The following MALRD1 variants were observed in gnomAD, a reference collection of about 807,000 sequenced individuals.
MALRD1 encodes MAM and LDL-receptor class A domain-containing protein 1.
In MALRD1, 247 loss-of-function variants were observed where a neutral mutation model predicts 242.1. The observed-to-expected ratio is 1.02, with a 90% CI of 0.92 to 1.13. The LOEUF (loss-of-function observed/expected upper bound fraction) is 1.13, where lower values mean the gene tolerates loss of function less well. MALRD1 is among the 50% of genes most tolerant of loss of function. The probability of loss-of-function intolerance (pLI) is 0.00; values close to 1 mark genes in which losing one functional copy is unlikely to be tolerated. For missense variants in MALRD1, 2,989 were observed against 2,533.1 expected, an observed-to-expected ratio of 1.18 and a Z score of -3.86; for synonymous variants, 995 against 866.6, an observed-to-expected ratio of 1.15 and a Z score of -2.60.
In MALRD1 at chr10:19,498,581, T is replaced by C; in HGVS notation, c.5255T>C (p.Leu1752Ser). 1.3e-6 allele frequency: 2 copies of C among 1,550,316 alleles called. No homozygotes were observed. The highest frequency in any genetic ancestry group is 2.0e-5 in the Admixed American group (1 of 50,944). The change falls in exon 31 of 40, where the codon TTG becomes TCG. Residue 1752 changes from leucine to serine, a missense_variant. Leu to Ser is a moderately radical substitution (Grantham distance 145). Coordinates refer to ENST00000454679, the MANE Select transcript of MALRD1 (RefSeq NM_001142308.3). ...CSLTQDSEDD[L>S]DWAIGSRIPA... is the part of the protein sequence containing the mutation. ...CTTACTCAAGACTCTGAGGATGACT[T>C]GGACTGGGCCATTGGCAGCAGAATT... is the stretch of plus-strand genomic sequence containing the variant.
intron 11 of MALRD1, among the ~76,000 whole-genome samples, chr10:19,148,161 T>C (rs1833792907): frequency 6.6e-6 from 1 of 151,780 alleles, no homozygotes; most frequent in South Asian, 2.1e-4. Flanking sequence ...AACATGGATG[T>C]GCTGAAGAAA....
intron 33 of MALRD1, among the ~76,000 whole-genome samples, chr10:19,581,615 A>C (rs1201542571): frequency 6.8e-6 from 1 of 147,000 alleles, no homozygotes; most frequent in Non-Finnish European, 1.5e-5. Context: ...AATCCAGTCT[A>C]TCATTGTTGG....
intron 36 of MALRD1, among the ~76,000 whole-genome samples, chr10:19,671,265 T>G (rs1841908790): frequency 6.6e-6 from 1 of 152,176 alleles, no homozygotes; most frequent in Non-Finnish European, 1.5e-5. Flanking sequence ...GATATACATT[T>G]ATTATTTTGC....
At chr10:19,295,274 T>G (rs1841642146) in intron 21 of MALRD1, among the ~76,000 whole-genome samples, 1 of 152,112 alleles carries the variant, frequency 6.6e-6, no homozygotes, top group Non-Finnish European at 1.5e-5. Flanking sequence ...TCCTCAAAAA[T>G]GTACCACTTT....
At chr10:19,453,599 G>A (rs767544267) in intron 29 of MALRD1, among the ~76,000 whole-genome samples, 99 of 152,226 alleles carry the variant, frequency 6.5e-4, no homozygotes, top group Non-Finnish European at 1.1e-3. Context: ...ATTTTAGGCC[G>A]GGCACTGTGG....
intron 30 of MALRD1, among the ~76,000 whole-genome samples, chr10:19,494,534 A>C (rs749038083): frequency 6.6e-6 from 1 of 152,182 alleles, no homozygotes; most frequent in Non-Finnish European, 1.5e-5. Flanking sequence ...GCTAAGAATA[A>C]CAATTATGCA....
At chr10:19,312,147 C>T (rs1192888334) in intron 21 of MALRD1, among the ~76,000 whole-genome samples, 1 of 151,192 alleles carries the variant, frequency 6.6e-6, no homozygotes, top group Non-Finnish European at 1.5e-5. Context: ...AGAAACTGAA[C>T]TCTGGTGGCA....
At chr10:19,691,169 T>A (rs1043724958) in intron 36 of MALRD1, among the ~76,000 whole-genome samples, 4 of 152,024 alleles carry the variant, frequency 2.6e-5, no homozygotes, top group African/African-American at 9.7e-5. Context: ...AATACCCCAA[T>A]CTCTCACAAT....
chr10:19,137,879 A>G (rs2131416828), intron 10 of MALRD1, among the ~76,000 whole-genome samples: 1 of 152,330 alleles, frequency 6.6e-6, no homozygotes, highest in African/African-American at 2.4e-5. Flanking sequence ...ATATGAATCC[A>G]ATTTCTGTAT....
At chr10:19,085,484 C>T (rs187900208) in intron 2 of MALRD1, among the ~76,000 whole-genome samples, 119 of 151,954 alleles carry the variant, frequency 7.8e-4, no homozygotes, top group African/African-American at 2.8e-3. Flanking sequence ...AATTTTTTCC[C>T]CATACAAAGA....
At chr10:19,303,930 T>A (rs1842057675) in intron 21 of MALRD1, among the ~76,000 whole-genome samples, 1 of 151,722 alleles carries the variant, frequency 6.6e-6, no homozygotes, top group South Asian at 2.1e-4. Context: ...CTGGGTCATC[T>A]TTTTAGAAGA....
At chr10:19,417,443 A>C (rs1225831548) in intron 28 of MALRD1, among the ~76,000 whole-genome samples, 1 of 152,100 alleles carries the variant, frequency 6.6e-6, no homozygotes, top group African/African-American at 2.4e-5. Context: ...GTATTTTTCA[A>C]CTTGTTATGA....
chr10:19,540,692 G>A (rs1234578059), intron 32 of MALRD1, among the ~76,000 whole-genome samples: 2 of 152,042 alleles, frequency 1.3e-5, no homozygotes, highest in Non-Finnish European at 2.9e-5. Context: ...CACTTGTGTT[G>A]CAGAAATTTC....
intron 32 of MALRD1, among the ~76,000 whole-genome samples, chr10:19,559,576 C>T (rs545407209): frequency 6.6e-6 from 1 of 151,882 alleles, no homozygotes; most frequent in African/African-American, 2.4e-5. Context: ...GTGAATCCAC[C>T]TGGTCAAAGA....
At chr10:19,214,476 C>A (rs1010516931) in intron 18 of MALRD1, among the ~76,000 whole-genome samples, 1 of 152,202 alleles carries the variant, frequency 6.6e-6, no homozygotes, top group Non-Finnish European at 1.5e-5. Context: ...TCAATACAGT[C>A]TGTTGCTACA....
chr10:19,116,788 G>A (rs535284032), intron 5 of MALRD1, among the ~76,000 whole-genome samples: 2 of 152,186 alleles, frequency 1.3e-5, no homozygotes, highest in African/African-American at 4.8e-5. Flanking sequence ...GTGGTACAAA[G>A]TAAGAATAAG....
intron 4 of MALRD1, among the ~76,000 whole-genome samples, chr10:19,100,323 G>T (rs1283219147): frequency 6.6e-6 from 1 of 152,034 alleles, no homozygotes. Context: ...TCAAAATAAC[G>T]TTTCATCAGT....
upstream of MALRD1, among the ~76,000 whole-genome samples, chr10:19,048,476 G>T (rs1234887085): frequency 6.6e-6 from 1 of 152,110 alleles, no homozygotes; most frequent in Non-Finnish European, 1.5e-5. Context: ...CTGAAATTTT[G>T]AATATGTTTT....
At chr10:19,165,876 A>G in intron 13 of MALRD1, 66 bp downstream of exon 13, 1 of 1,138,538 alleles carries the variant, frequency 8.8e-7, no homozygotes, top group Non-Finnish European at 1.1e-6. Flanking sequence ...CCTTTCAGAT[A>G]ACAATATAAC....
Sources: gnomAD v4.1 joint callset for allele counts (sites outside exome capture counted in the v4.1 genomes callset) on GRCh38, gnomAD v4.1.1 for gene constraint, MANE v1.5 for transcripts, NCBI Gene and HGNC (gene_info 2026-07-23, HGNC 2026-07-21) for gene names.